The following TSHZ2 variants were observed in gnomAD, a reference collection of about 807,000 sequenced individuals.
The protein encoded by TSHZ2 is teashirt homolog 2.
A neutral mutation model predicts 74.4 loss-of-function variants in TSHZ2; 21 were observed. The ratio of observed to expected loss-of-function variants is 0.28; its 90% CI spans 0.20 to 0.41. The LOEUF is 0.41. TSHZ2 is among the 10% of genes least tolerant of loss of function. TSHZ2 has a pLI of 1.00. For synonymous variants in TSHZ2, 540 were observed against 515.3 expected, an observed-to-expected ratio of 1.05 and a Z score of -0.65; for missense variants, 1,244 against 1,293.5, an observed-to-expected ratio of 0.96 and a Z score of 0.59.
At chr20:53,061,266 C>T (rs1019349228) in intron 1 of TSHZ2, among the ~76,000 whole-genome samples, 2 of 152,068 alleles carry the variant, frequency 1.3e-5, no homozygotes, top group African/African-American at 4.8e-5. Context: ...GGAATTCTAC[C>T]ACCTCTTTCA....
chr20:53,117,097 A>G (rs1013168552), intron 1 of TSHZ2, among the ~76,000 whole-genome samples: 5 of 151,654 alleles, frequency 3.3e-5, no homozygotes, highest in Non-Finnish European at 7.4e-5. Context: ...TTATAAGGAC[A>G]TGAATCTCCT....
rs151078835 is a variant in TSHZ2 at position 53,451,867 on chromosome 20, A to G, written c.*9-35277A>G. ...ACAGTAGGAACACAGTAAAGATTCAATTGGTATTTGTGGAATGAATGAATG... is the reference window on the plus strand; with the variant it reads ...ACAGTAGGAACACAGTAAAGATTCAGTTGGTATTTGTGGAATGAATGAATG... On this transcript the variant is annotated intron_variant, in intron 2 of 2. Coordinates refer to ENST00000371497, the MANE Select transcript of TSHZ2 (RefSeq NM_173485.6). Among the ~76,000 whole-genome samples the G allele has an allele frequency of 3.3e-5, 5 of 152,338 alleles. No homozygotes were observed. In the East Asian group the frequency reaches 9.6e-4, roughly 29 times the overall value.
At chr20:53,408,861 G>C (rs375858378) in intron 2 of TSHZ2, among the ~76,000 whole-genome samples, 1 of 152,156 alleles carries the variant, frequency 6.6e-6, no homozygotes, top group Non-Finnish European at 1.5e-5. Context: ...GTGATCTCAC[G>C]ATGGTGCAAT....
At chr20:53,350,646 C>T (rs1012267205) in intron 2 of TSHZ2, among the ~76,000 whole-genome samples, 1 of 152,142 alleles carries the variant, frequency 6.6e-6, no homozygotes, top group Admixed American at 6.5e-5. Context: ...GATTTTTGTT[C>T]TGTTCTCGTA....
At chr20:53,048,794 T>G (rs1429450130) in intron 1 of TSHZ2, among the ~76,000 whole-genome samples, 1 of 151,928 alleles carries the variant, frequency 6.6e-6, no homozygotes. Flanking sequence ...GAGTGGGGGG[T>G]TCTAATAGCT....
In TSHZ2 at chr20:53,488,902, C is replaced by A. The variant is rs560370429; in HGVS notation, c.*1767C>A. 2.3e-6 allele frequency: 1 copy of A among 438,230 alleles called. No homozygotes were observed. The highest frequency in any genetic ancestry group is 4.6e-6 in the Non-Finnish European group (1 of 217,024). The allele number at this position is 438,230 out of a possible 1,614,324, so 27.1% of individuals were successfully genotyped here. A position where few individuals can be genotyped will look rare whatever the true frequency, so the allele number is the denominator to read the frequency against. ...GTTGCCCTTATGCCACATATAATAGCAAATTGCTTTTTTTATGGCATGCAT... is the reference window on the plus strand; with the variant it reads ...GTTGCCCTTATGCCACATATAATAGAAAATTGCTTTTTTTATGGCATGCAT... On this transcript the variant is annotated 3_prime_UTR_variant, in exon 3 of 3. Coordinates refer to ENST00000371497, the MANE Select transcript of TSHZ2 (RefSeq NM_173485.6).
At chr20:53,157,423 T>TC (rs35176866) in intron 1 of TSHZ2, among the ~76,000 whole-genome samples, 9 of 150,902 alleles carry the variant, frequency 6.0e-5, no homozygotes, top group African/African-American at 2.2e-4. Context: ...TTTTTTTTTT[T>TC]AGAGACAGGA....
rs146509235 is a variant in TSHZ2, at chr20:53,240,679, T to C, written c.41-12820T>C. On this transcript the variant is annotated intron_variant, in intron 1 of 2. Transcript: ENST00000371497. Reference sequence around the variant, plus strand: ...ACTATCATTTACTCCCAGAAGCAAATAAAACAATAAACTCGACTGTGCATT... The same window carrying C: ...ACTATCATTTACTCCCAGAAGCAAACAAAACAATAAACTCGACTGTGCATT... Among the ~76,000 whole-genome samples the C allele has an allele frequency of 5.3e-5, 8 of 151,278 alleles. No homozygotes were observed. The East Asian group carries it at 9.7e-4, about 18-fold the overall frequency.
intron 1 of TSHZ2, among the ~76,000 whole-genome samples, chr20:53,233,901 T>C (rs543221246): frequency 2.6e-5 from 4 of 152,320 alleles, no homozygotes; most frequent in Admixed American, 2.6e-4. Flanking sequence ...TGCTTTGGAT[T>C]TTCTTCCAAG....
intron 1 of TSHZ2, among the ~76,000 whole-genome samples, chr20:53,197,114 C>T (rs1359375689): frequency 6.6e-6 from 1 of 152,202 alleles, no homozygotes; most frequent in Non-Finnish European, 1.5e-5. Flanking sequence ...TGACATTAAA[C>T]AGTTGTATAT....
intron 2 of TSHZ2, among the ~76,000 whole-genome samples, chr20:53,373,756 G>T (rs1981559984): frequency 2.0e-5 from 3 of 152,224 alleles, no homozygotes; most frequent in Admixed American, 2.0e-4. Flanking sequence ...TAAAGTCAGA[G>T]CTACAGGTCA....
chr20:53,409,834 C>CTTTTTTTTTTTTTTTTTTTTT (rs71194475), intron 2 of TSHZ2, among the ~76,000 whole-genome samples: 3 of 49,338 alleles, frequency 6.1e-5, no homozygotes, highest in African/African-American at 1.7e-4. Context: ...GTTTTCTTTT[C>CTTTTTTTTTTTTTTTTTTTTT]TTTTTTTTTT....
chr20:53,216,135 C>G (rs1989429378), intron 1 of TSHZ2, among the ~76,000 whole-genome samples: 1 of 152,126 alleles, frequency 6.6e-6, no homozygotes, highest in Non-Finnish European at 1.5e-5. Flanking sequence ...GAATAGAAAA[C>G]AGTGGGGGGC....
chr20:53,338,638 A>G (rs1980053850), intron 2 of TSHZ2, among the ~76,000 whole-genome samples: 1 of 152,178 alleles, frequency 6.6e-6, no homozygotes, highest in East Asian at 1.9e-4. Flanking sequence ...GAAGCTGTGG[A>G]ATGTCCTACA....
At chr20:53,414,327 A>G (rs1223012780) in intron 2 of TSHZ2, among the ~76,000 whole-genome samples, 1 of 151,966 alleles carries the variant, frequency 6.6e-6, no homozygotes, top group Non-Finnish European at 1.5e-5. Flanking sequence ...TTAAAAGAAT[A>G]AGCCAGTACT....
chr20:53,461,134 C>T (rs1227584762), intron 2 of TSHZ2, among the ~76,000 whole-genome samples: 1 of 152,090 alleles, frequency 6.6e-6, no homozygotes, highest in African/African-American at 2.4e-5. Context: ...GCGCCCCTCC[C>T]CCAGCCTCGC....
intron 2 of TSHZ2, among the ~76,000 whole-genome samples, chr20:53,373,038 T>G (rs1981535029): frequency 2.6e-5 from 4 of 152,250 alleles, no homozygotes; most frequent in Admixed American, 2.0e-4. Context: ...CTGATGAGTC[T>G]TTCTATTGCT....
chr20:53,193,346 A>T (rs1988786356), intron 1 of TSHZ2, among the ~76,000 whole-genome samples: 1 of 152,110 alleles, frequency 6.6e-6, no homozygotes, highest in Admixed American at 6.5e-5. Flanking sequence ...CTCCAGACAC[A>T]TTGCCGTTCG....
intron 2 of TSHZ2, among the ~76,000 whole-genome samples, chr20:53,380,058 A>G (rs1308013885): frequency 6.6e-6 from 1 of 152,242 alleles, no homozygotes; most frequent in Non-Finnish European, 1.5e-5. Context: ...TTACCCAGCG[A>G]AAGTAATTTA....
Sources: allele counts gnomAD v4.1 joint callset (sites outside exome capture counted in the v4.1 genomes callset), GRCh38; gene constraint gnomAD v4.1.1; transcripts MANE v1.5; gene names NCBI Gene and HGNC (gene_info 2026-07-23, HGNC 2026-07-21).